Variants in NUP62CL observed in about 807,000 individuals in gnomAD.
The protein encoded by NUP62CL is nucleoporin 62 C-terminal like, also known as nucleoporin-62 C-terminal-like protein.
Under a neutral mutation model 15.3 loss-of-function variants are expected in NUP62CL, and 13 were observed. That is an observed-to-expected ratio of 0.85 (90% CI 0.55 to 1.35). NUP62CL has a LOEUF of 1.35. Among genes scored for constraint, NUP62CL ranks in the 40% most tolerant of loss-of-function variants. The pLI is 0.00. For synonymous variants in NUP62CL, 54 were observed against 49.2 expected (o/e 1.10, Z -0.41); for missense variants, 123 against 130.6 (o/e 0.94, Z 0.28).
rs868414104 is a variant in NUP62CL at position 107,153,482 on chromosome X, C to A, written c.367G>T (p.Val123Leu). Reference protein sequence around the residue: ...GEMIRILHGEVNKVKLDQKRL... With the variant: ...GEMIRILHGELNKVKLDQKRL... ...TTCTGATCCAGTTTCACTTTGTTCA[C>A]TTCTCCATGTAAAATACGAATCTAT... The change falls in exon 6 of 9, where the codon GTG becomes TTG. Residue 123 changes from valine to leucine, a missense_variant. Val to Leu is a conservative substitution (Grantham distance 32). Coordinates refer to ENST00000372466, the MANE Select transcript of NUP62CL (RefSeq NM_017681.3). 8.7e-7 allele frequency: 1 copy of A among 1,147,658 alleles called. No individual in the cohort carries two copies. 94.6% of individuals were successfully genotyped at this position (1,147,658 alleles called of 1,213,427 possible). A position where few individuals can be genotyped will look rare whatever the true frequency, so the allele number is the denominator to read the frequency against.
intron 7 of NUP62CL, among the ~76,000 whole-genome samples, chrX:107,152,095 TTC>T (rs1401141741): frequency 8.0e-5 from 5 of 62,455 alleles, no homozygotes; most frequent in Admixed American, 2.2e-4. Flanking sequence ...TATATATATA[TTC>T]AGATATATAT....
intron 4 of NUP62CL, among the ~76,000 whole-genome samples, chrX:107,159,801 A>C (rs1470536955): frequency 9.7e-5 from 8 of 82,230 alleles, no homozygotes; most frequent in Non-Finnish European, 1.9e-4. Flanking sequence ...CAGGAGAAGG[A>C]AATAAAGGGT....
intron 4 of NUP62CL, among the ~76,000 whole-genome samples, chrX:107,156,533 A>C (rs1255871462): frequency 3.0e-4 from 31 of 102,467 alleles, no homozygotes; most frequent in Admixed American, 1.2e-3. Context: ...GACACCTCAC[A>C]CGGCAGGGTA....
intron 1 of NUP62CL, among the ~76,000 whole-genome samples, chrX:107,200,352 G>A (rs1390883085): frequency 9.0e-6 from 1 of 111,167 alleles, no homozygotes; most frequent in Non-Finnish European, 1.9e-5. Context: ...CTCATGTGAA[G>A]TTTGATCCTG....
intron 4 of NUP62CL, among the ~76,000 whole-genome samples, chrX:107,164,910 C>T (rs1926474971): frequency 8.9e-6 from 1 of 112,460 alleles, no homozygotes; most frequent in Non-Finnish European, 1.9e-5. Context: ...ACCAGCCTGG[C>T]TAACACGGTG....
chrX:107,165,815 TTC>T (rs1359585055), intron 4 of NUP62CL, among the ~76,000 whole-genome samples: 1 of 111,690 alleles, frequency 9.0e-6, no homozygotes, highest in East Asian at 2.8e-4. Context: ...AAGATAGTCT[TTC>T]AATAAATGAT....
intron 8 of NUP62CL, among the ~76,000 whole-genome samples, chrX:107,126,450 G>A (rs890558008): frequency 5.4e-5 from 6 of 112,053 alleles, no homozygotes; most frequent in Non-Finnish European, 9.4e-5. Context: ...AGAACAAACT[G>A]TAGGATTTAA....
At chrX:107,161,936 A>G (rs1216198028) in intron 4 of NUP62CL, among the ~76,000 whole-genome samples, 1 of 108,073 alleles carries the variant, frequency 9.3e-6, no homozygotes, top group Non-Finnish European at 1.9e-5. Context: ...GAATTATCTG[A>G]AAATAATTTT....
chrX:107,156,477 T>C (rs372004915), intron 4 of NUP62CL, among the ~76,000 whole-genome samples: 11 of 106,081 alleles, frequency 1.0e-4, no homozygotes, highest in African/African-American at 1.4e-4. Flanking sequence ...TGACCCCTGA[T>C]CCCCGAGCAG....
chrX:107,180,186 CA>C (rs1358456792), intron 2 of NUP62CL, among the ~76,000 whole-genome samples: 6 of 112,273 alleles, frequency 5.3e-5, no homozygotes, highest in African/African-American at 1.9e-4. Context: ...GGCAGCCTCA[CA>C]GATTCCAAAT....
chrX:107,202,696 A>G (rs1927513562), intron 1 of NUP62CL: 1 of 106,513 alleles, frequency 9.4e-6, no homozygotes, highest in Non-Finnish European at 1.9e-5. Flanking sequence ...AAAAAAAAAA[A>G]AAAAAAAGAA....
chrX:107,149,932 A>G (rs1925970629), intron 7 of NUP62CL, among the ~76,000 whole-genome samples: 1 of 112,001 alleles, frequency 8.9e-6, no homozygotes, highest in Non-Finnish European at 1.9e-5. Flanking sequence ...GAAAGAAAAA[A>G]AAAACAATTC....
chrX:107,138,026 TTTG>T (rs942128300), intron 8 of NUP62CL, among the ~76,000 whole-genome samples: 3 of 111,651 alleles, frequency 2.7e-5, no homozygotes, highest in Non-Finnish European at 3.8e-5. Flanking sequence ...AAACAGGTTT[TTTG>T]TTGTTGTTGT....
At chrX:107,148,362 G>C (rs1286980948) in intron 7 of NUP62CL, among the ~76,000 whole-genome samples, 2 of 111,402 alleles carry the variant, frequency 1.8e-5, no homozygotes, top group African/African-American at 6.5e-5. Flanking sequence ...CTAAATATAA[G>C]TGGTGATTAC....
At chrX:107,202,811 C>T (rs1265203133) in intron 1 of NUP62CL, 1 of 103,001 alleles carries the variant, frequency 9.7e-6, no homozygotes, top group Admixed American at 1.1e-4. Flanking sequence ...GCATGGGGAA[C>T]GTGGTGAAGC....
intron 8 of NUP62CL, among the ~76,000 whole-genome samples, chrX:107,140,674 A>T (rs1306743946): frequency 8.9e-6 from 1 of 112,261 alleles, no homozygotes; most frequent in Non-Finnish European, 1.9e-5. Flanking sequence ...CTGTTACAGT[A>T]CACCTGTTTG....
intron 2 of NUP62CL, among the ~76,000 whole-genome samples, chrX:107,184,232 A>G (rs181874969): frequency 1.8e-5 from 2 of 109,840 alleles, no homozygotes; most frequent in African/African-American, 6.6e-5. Context: ...AAACAAATTC[A>G]TCAACAAACA....
intron 3 of NUP62CL, among the ~76,000 whole-genome samples, chrX:107,168,834 GCATAAAC>G (rs1215785482): frequency 1.8e-5 from 2 of 112,370 alleles, no homozygotes; most frequent in African/African-American, 6.5e-5. Flanking sequence ...CTGGATAAAT[GCATAAAC>G]CATGGTGCCT....
intron 2 of NUP62CL, among the ~76,000 whole-genome samples, chrX:107,181,536 A>G (rs1926920079): frequency 9.0e-6 from 1 of 110,513 alleles, no homozygotes; most frequent in Non-Finnish European, 1.9e-5. Flanking sequence ...TTTTCTTGCA[A>G]GTTCTCATTA....
Sources: allele counts gnomAD v4.1 joint callset (sites outside exome capture counted in the v4.1 genomes callset), GRCh38; gene constraint gnomAD v4.1.1; transcripts MANE v1.5; gene names NCBI Gene and HGNC (gene_info 2026-07-23, HGNC 2026-07-21).